The following ADGRF3 variants were observed in gnomAD, a reference collection of about 807,000 sequenced individuals.
ADGRF3 encodes the protein adhesion G protein-coupled receptor F3.
ADGRF3 carries 85 observed loss-of-function variants against 93.2 expected under a neutral mutation model. The observed-to-expected ratio is 0.91, with a 90% CI of 0.77 to 1.09. The LOEUF is 1.09. Ranked by LOEUF, ADGRF3 falls within the 50% of genes least tolerant of loss-of-function variation. The pLI is 0.00. For missense variants in ADGRF3, 1,125 were observed against 1,246.2 expected, an observed-to-expected ratio of 0.90 and a Z score of 1.46; for synonymous variants, 534 against 532.5, an observed-to-expected ratio of 1.00 and a Z score of -0.04.
intron 1 of ADGRF3, among the ~76,000 whole-genome samples, chr2:26,344,280 A>C (rs1247403930): frequency 6.6e-6 from 1 of 152,092 alleles, no homozygotes; most frequent in Non-Finnish European, 1.5e-5. Context: ...AGTAGCTGGG[A>C]CTACAGGCGC....
chr2:26,309,506 T>C lies in ADGRF3; in HGVS notation c.2993+20A>G. The C allele has an allele frequency of 6.2e-7, 1 of 1,609,062 alleles. No individual in the cohort carries two copies. The highest frequency in any genetic ancestry group is 1.7e-4 in the Middle Eastern group (1 of 5,824). Reference sequence around the variant, plus strand: ...CAATCCACCCTGCTTACGCTGCCCCTGAGAAAGCCTAGTTCTCACCTGGCA... The same window carrying C: ...CAATCCACCCTGCTTACGCTGCCCCCGAGAAAGCCTAGTTCTCACCTGGCA... On this transcript the variant is annotated intron_variant, in intron 13 of 13. Coordinates refer to ENST00000651242, the MANE Select transcript of ADGRF3 (RefSeq NM_001321971.2).
At position 26,311,157 on chromosome 2, in the gene ADGRF3, G is replaced by C. The variant is rs1200880575; in HGVS notation, c.2367C>G (p.Phe789Leu). 1 of 1,596,702 alleles carries C rather than the reference G, an allele frequency of 6.3e-7. No homozygotes were observed. The highest frequency in any genetic ancestry group is 8.5e-7 in the Non-Finnish European group (1 of 1,172,066). The change falls in exon 10 of 14, where the codon TTC (phenylalanine) becomes TTG (leucine). Residue 789 changes from phenylalanine (F) to leucine (L), a missense_variant. Coordinates refer to ENST00000651242, the MANE Select transcript of ADGRF3 (RefSeq NM_001321971.2). Reference protein sequence around the residue: ...LCHFLYLATFFWMLAQALVLA... With the variant: ...LCHFLYLATFLWMLAQALVLA... ...ACACCAGGGCCTGCGCCAGCATCCA[G>C]AAAAAGGTGGCCAGGTAGAGGAAAT...
At position 26,312,976 on chromosome 2, in the gene ADGRF3, C is replaced by T. The variant is rs75113578; in HGVS notation, c.1416G>A (p.Glu472=). The T allele has an allele frequency of 3.4e-3, 5,432 of 1,613,588 alleles. 146 individuals are homozygous for T. In the African/African-American group the frequency reaches 0.064, roughly 19 times the overall value. Residue 472 remains glutamate, a synonymous_variant, in exon 9 of 14, where the codon GAG becomes GAA. Transcript: ENST00000651242. ...CTCTGCGGTCAAGCTGTATTCTGGC[C>T]TCTGCCACCACCTTGGCCACGTATT... is the stretch of plus-strand genomic sequence containing the variant. ...TMKYVAKVVA[E]ARIQLDRRAL...
intron 4 of ADGRF3, 93 bp downstream of exon 4, chr2:26,316,182 G>T: frequency 7.5e-7 from 1 of 1,332,372 alleles, no homozygotes; most frequent in Non-Finnish European, 1.0e-6. Flanking sequence ...GCTTGGACCA[G>T]CTGGCCAAAC....
At chr2:26,318,114 A>C in intron 1 of ADGRF3, 1 of 1,543,792 alleles carries the variant, frequency 6.5e-7, no homozygotes, top group South Asian at 1.2e-5. Context: ...GCAGGCAGGG[A>C]AGGGTCTGTC....
intron 1 of ADGRF3, among the ~76,000 whole-genome samples, chr2:26,319,596 T>G: frequency 1.2e-5 from 1 of 82,972 alleles, no homozygotes; most frequent in East Asian, 4.8e-4. Context: ...CCTTCCTTCC[T>G]TCCTTCCTTC....
intron 1 of ADGRF3, among the ~76,000 whole-genome samples, chr2:26,328,155 T>C (rs1675547428): frequency 6.6e-6 from 1 of 152,204 alleles, no homozygotes; most frequent in Non-Finnish European, 1.5e-5. Flanking sequence ...TTGTTCTGTT[T>C]CTTTCTGGCT....
At position 26,310,218 on chromosome 2, in the gene ADGRF3, A is replaced by T. The variant is rs1288248006; in HGVS notation, c.2852T>A (p.Phe951Tyr). The change falls in exon 11 of 14, where the codon TTT becomes TAT. Residue 951 changes from phenylalanine (F) to tyrosine (Y), a missense_variant. Transcript: ENST00000651242. ...TACCTTCCTGTCCATGAGGCAACCA[A>T]ACAATAGGATGAAGACGCCCTGAGA... Reference protein sequence around the residue: ...NTLQGVFILLFGCLMDRKIQE... With the variant: ...NTLQGVFILLYGCLMDRKIQE... 2.5e-6 allele frequency: 4 copies of T among 1,614,028 alleles called. No individual in the cohort carries two copies. The highest frequency in any genetic ancestry group is 2.5e-6 in the Non-Finnish European group (3 of 1,179,890).
chr2:26,318,153 C>A, intron 1 of ADGRF3: 1 of 1,394,000 alleles, frequency 7.2e-7, no homozygotes, highest in Non-Finnish European at 9.7e-7. Flanking sequence ...GGAGCTGGCC[C>A]AAGGAGAGAG....
At chr2:26,317,431 G>A in intron 2 of ADGRF3, 65 bp downstream of exon 2, 1 of 1,473,566 alleles carries the variant, frequency 6.8e-7, no homozygotes, top group East Asian at 2.5e-5. Flanking sequence ...CTGGGTCCTG[G>A]GTTTCCACCT....
At chr2:26,342,405 C>T (rs1676449337) in intron 1 of ADGRF3, among the ~76,000 whole-genome samples, 1 of 152,112 alleles carries the variant, frequency 6.6e-6, no homozygotes, top group African/African-American at 2.4e-5. Flanking sequence ...ATTTTTATGG[C>T]TTCAGTAACT....
In ADGRF3 at chr2:26,316,447, C is replaced by G. The variant is rs1272341234; in HGVS notation, c.327G>C (p.Glu109Asp). ...AATTCCCCTTGTGGTTGACATTACA[C>G]TCTGACAGAGAGAAGAGAAGAGGGG... ...PLLTGLRLTT[E>D]CNVNHKGNFY... Residue 109 changes from glutamate (E) to aspartate (D), a missense_variant and splice_region_variant, in exon 4 of 14, where the codon GAG (glutamate) becomes GAC (aspartate). Transcript: ENST00000651242. The G allele has an allele frequency of 1.3e-6, 2 of 1,551,346 alleles. No homozygotes were observed. Among genetic ancestry groups the G allele is most frequent in the Non-Finnish European group, 1.7e-6 (2 of 1,146,804 alleles).
At chr2:26,323,549 A>G (rs1258347108) in intron 1 of ADGRF3, among the ~76,000 whole-genome samples, 2 of 150,170 alleles carry the variant, frequency 1.3e-5, no homozygotes, top group East Asian at 3.9e-4. Flanking sequence ...TGATTCTCCC[A>G]CCTCAGCCTG....
At chr2:26,338,369 A>G (rs1676170544) in intron 1 of ADGRF3, among the ~76,000 whole-genome samples, 1 of 152,210 alleles carries the variant, frequency 6.6e-6, no homozygotes, top group Non-Finnish European at 1.5e-5. Flanking sequence ...AGAGAGAGAG[A>G]GTAAAATGAT....
Position 26,314,493 on chromosome 2 carries a change from A to G in ADGRF3, c.849T>C (p.Pro283=), listed in dbSNP as rs1175739651. 1.2e-6 allele frequency: 2 copies of G among 1,613,906 alleles called. No individual in the cohort carries two copies. The highest frequency in any genetic ancestry group is 1.7e-6 in the Non-Finnish European group (2 of 1,179,898). Residue 283 remains proline (P), a synonymous_variant, in exon 6 of 14, where the codon CCT becomes CCC. Transcript: ENST00000651242. ...GGATGCAGCAGCTCAGCTGGAAGCCAGGGGAGGTGGCACAGGAGATGGACA... is the reference window on the plus strand; with the variant it reads ...GGATGCAGCAGCTCAGCTGGAAGCCGGGGGAGGTGGCACAGGAGATGGACA... ...YQLSISCATS[P]GFQLSCCIPS...
chr2:26,320,085 G>A (rs1675062843), intron 1 of ADGRF3, among the ~76,000 whole-genome samples: 1 of 152,182 alleles, frequency 6.6e-6, no homozygotes, highest in South Asian at 2.1e-4. Flanking sequence ...AAACTTTTAA[G>A]TTTGGCCTAA....
At position 26,316,912 on chromosome 2, in the gene ADGRF3, C is replaced by A; in HGVS notation, c.325G>T (p.Glu109Ter). 1 of 1,602,014 alleles carries A rather than the reference C, an allele frequency of 6.2e-7. No homozygotes were observed. Among genetic ancestry groups the A allele is most frequent in the Non-Finnish European group, 8.5e-7 (1 of 1,176,488 alleles). Residue 109 changes from glutamate (E) to a stop codon, truncating the protein, a stop_gained and splice_region_variant, in exon 3 of 14, where the codon GAG becomes TAG. Coordinates refer to ENST00000651242, the MANE Select transcript of ADGRF3 (RefSeq NM_001321971.2). LOFTEE classifies it high-confidence loss of function. ...PLLTGLRLTT[E>*]CNVNHKGNFY... ...AGCCCCCTTCCCACGCAAGTGGTAC[C>A]TGTTGTGAGTCTGAGGCCAGTGAGA...
At chr2:26,333,611 TC>T (rs1217055074) in intron 1 of ADGRF3, among the ~76,000 whole-genome samples, 27 of 151,830 alleles carry the variant, frequency 1.8e-4, no homozygotes, top group African/African-American at 6.5e-4. Flanking sequence ...AGGGAGCAAT[TC>T]CTCCAGGGAC....
intron 1 of ADGRF3, among the ~76,000 whole-genome samples, chr2:26,341,907 A>G (rs1052551694): frequency 3.3e-5 from 5 of 152,060 alleles, no homozygotes; most frequent in African/African-American, 1.2e-4. Flanking sequence ...CCCCGTCTCT[A>G]CTAAAAATAC....
Sources: gnomAD v4.1 joint callset for allele counts (sites outside exome capture counted in the v4.1 genomes callset) on GRCh38, gnomAD v4.1.1 for gene constraint, MANE v1.5 for transcripts, NCBI Gene and HGNC (gene_info 2026-07-23, HGNC 2026-07-21) for gene names.